Variants in RARB observed in about 807,000 individuals in gnomAD.
RARB encodes the protein retinoic acid receptor beta.
RARB carries 17 observed loss-of-function variants against 51.9 expected under a neutral mutation model. That is an observed-to-expected ratio of 0.33 (90% confidence interval 0.22 to 0.49). The LOEUF is 0.49. RARB is among the 20% of genes least tolerant of loss of function. RARB has a pLI of 0.99. For missense variants in RARB, 369 were observed against 550.8 expected, an observed-to-expected ratio of 0.67 and a Z score of 3.30; for synonymous variants, 215 against 195.4, an observed-to-expected ratio of 1.10 and a Z score of -0.84.
intron 3 of RARB, among the ~76,000 whole-genome samples, chr3:25,073,426 C>T (rs1339124820): frequency 1.3e-5 from 2 of 152,218 alleles, no homozygotes; most frequent in African/African-American, 2.4e-5. Context: ...AACATTAGTT[C>T]TGCAAGACAG....
At chr3:25,582,415 G>A (rs563028301) in intron 5 of RARB, among the ~76,000 whole-genome samples, 5 of 151,958 alleles carry the variant, frequency 3.3e-5, no homozygotes, top group South Asian at 2.1e-4. Context: ...CCTGCATCAC[G>A]CAGCCACCCA....
chr3:25,585,842 C>G (rs568171020), intron 5 of RARB, among the ~76,000 whole-genome samples: 1 of 152,162 alleles, frequency 6.6e-6, no homozygotes, highest in Admixed American at 6.5e-5. Context: ...TTCCCCAGGT[C>G]GCGCAGCTAG....
intron 3 of RARB, among the ~76,000 whole-genome samples, chr3:25,548,512 G>A (rs1412304733): frequency 6.6e-6 from 1 of 152,000 alleles, no homozygotes; most frequent in Non-Finnish European, 1.5e-5. Context: ...CAGTGCCAAG[G>A]GAAGGTCTTA....
intron 2 of RARB, among the ~76,000 whole-genome samples, chr3:25,481,731 C>G (rs1003953262): frequency 1.3e-5 from 2 of 152,218 alleles, no homozygotes; most frequent in African/African-American, 4.8e-5. Flanking sequence ...TTCCTGGTCT[C>G]ACCTTACTCT....
At chr3:25,085,548 C>T (rs1286300377) in intron 3 of RARB, among the ~76,000 whole-genome samples, 2 of 151,970 alleles carry the variant, frequency 1.3e-5, no homozygotes, top group Non-Finnish European at 2.9e-5. Flanking sequence ...CATCTGGCCC[C>T]TGTCAATTTT....
chr3:25,461,134 A>C, intron 1 of RARB, 59 bp from the exon 2 acceptor site: 1 of 1,492,078 alleles, frequency 6.7e-7, no homozygotes, highest in Non-Finnish European at 8.9e-7. Context: ...CTGTTGAAAA[A>C]AGTAATGAAC....
intron 5 of RARB, among the ~76,000 whole-genome samples, chr3:25,260,219 C>A (rs932156727): frequency 6.6e-5 from 10 of 152,062 alleles, no homozygotes; most frequent in Admixed American, 6.6e-4. Context: ...ACAGTGAGTG[C>A]AAGAACACCA....
intron 4 of RARB, among the ~76,000 whole-genome samples, chr3:25,172,228 C>G (rs544192801): frequency 7.9e-5 from 12 of 152,154 alleles, no homozygotes; most frequent in Non-Finnish European, 7.4e-5. Context: ...ATCACGACTG[C>G]TCACTGAGTT....
chr3:25,269,484 T>C (rs932024492), intron 5 of RARB, among the ~76,000 whole-genome samples: 1 of 152,150 alleles, frequency 6.6e-6, no homozygotes, highest in African/African-American at 2.4e-5. Context: ...TACTTTAGCT[T>C]GTTTATACTT....
intron 5 of RARB, among the ~76,000 whole-genome samples, chr3:25,277,459 T>A (rs1703423189): frequency 6.6e-6 from 1 of 152,184 alleles, no homozygotes; most frequent in Non-Finnish European, 1.5e-5. Flanking sequence ...AAGGGGAGTT[T>A]TTATCTACAT....
intron 5 of RARB, among the ~76,000 whole-genome samples, chr3:25,354,521 C>G (rs930575919): frequency 1.2e-4 from 19 of 152,096 alleles, no homozygotes; most frequent in Non-Finnish European, 2.5e-4. Flanking sequence ...AAAGAACTAT[C>G]ATAAGCCATG....
chr3:25,109,429 A>G (rs983269241), intron 3 of RARB, among the ~76,000 whole-genome samples: 3 of 152,192 alleles, frequency 2.0e-5, no homozygotes, highest in Non-Finnish European at 2.9e-5. Context: ...ATCAAATATG[A>G]TAATAAGTAG....
At chr3:25,127,223 CTG>C (rs2125331449) in intron 3 of RARB, among the ~76,000 whole-genome samples, 1 of 152,306 alleles carries the variant, frequency 6.6e-6, no homozygotes, top group East Asian at 1.9e-4. Flanking sequence ...AGACCCATGA[CTG>C]TGGCATACAA....
At chr3:25,428,918 A>G (rs923393778) in intron 1 of RARB, 30 bp downstream of exon 1, 5 of 1,572,258 alleles carry the variant, frequency 3.2e-6, no homozygotes, top group Non-Finnish European at 4.3e-6. Flanking sequence ...TTCTTCTACC[A>G]AGAAAAAAAA....
At chr3:24,914,785 G>A (rs1370741624) in intron 2 of RARB, among the ~76,000 whole-genome samples, 4 of 152,150 alleles carry the variant, frequency 2.6e-5, no homozygotes, top group African/African-American at 9.7e-5. Flanking sequence ...TGAATCCAAG[G>A]ATGTGGAACT....
At chr3:25,532,235 T>C (rs149271408) in intron 3 of RARB, among the ~76,000 whole-genome samples, 40 of 152,316 alleles carry the variant, frequency 2.6e-4, no homozygotes, top group African/African-American at 8.7e-4. Context: ...TAGAGTAATA[T>C]TGAATATCCC....
At chr3:25,506,145 C>G (rs1377761320) in intron 3 of RARB, among the ~76,000 whole-genome samples, 1 of 150,268 alleles carries the variant, frequency 6.7e-6, no homozygotes, top group African/African-American at 2.5e-5. Flanking sequence ...CCCAGCTACT[C>G]AGGAGGCCAA....
intron 2 of RARB, among the ~76,000 whole-genome samples, chr3:25,007,611 A>AAAAAAAAAAAAAAAAAAAAAC (rs1559431441): frequency 6.6e-6 from 1 of 150,446 alleles, no homozygotes; most frequent in East Asian, 1.9e-4. Flanking sequence ...AAAACAAAAA[A>AAAAAAAAAAAAAAAAAAAAAC]ACCTCATATT....
intron 4 of RARB, among the ~76,000 whole-genome samples, chr3:25,157,376 G>GTATATA (rs112023953): frequency 8.3e-6 from 1 of 121,148 alleles, no homozygotes; most frequent in Non-Finnish European, 1.8e-5. Context: ...GTGTGTGTGT[G>GTATATA]TGTGTATATA....
Sources: allele counts gnomAD v4.1 joint callset (sites outside exome capture counted in the v4.1 genomes callset), GRCh38; gene constraint gnomAD v4.1.1; transcripts MANE v1.5; gene names NCBI Gene and HGNC (gene_info 2026-07-23, HGNC 2026-07-21).